Variants in NSD1 observed in about 807,000 individuals in gnomAD.
NSD1 encodes histone-lysine N-methyltransferase, H3 lysine-36 specific.
In NSD1, 26 loss-of-function variants were observed where a neutral mutation model predicts 242.7. That is an observed-to-expected ratio of 0.11 (90% CI 0.08 to 0.15). The LOEUF is 0.15. Among genes scored for constraint, NSD1 ranks in the 10% least tolerant of loss-of-function variants. NSD1 has a pLI of 1.00. For synonymous variants in NSD1, 1,106 were observed against 1,178.1 expected (o/e 0.94, Z 1.25); for missense variants, 2,495 against 3,272.8 (o/e 0.76, Z 5.80).
Position 177,238,274 on chromosome 5 carries a change from G to A in NSD1, c.3959G>A (p.Arg1320Gln), listed in dbSNP as rs1388537733. Reference protein sequence around the residue: ...SRCEEESLLARGRSSAQNKQV... With the variant: ...SRCEEESLLAQGRSSAQNKQV... ...TGTGAAGAGGAAAGCCTTCTAGCCC[G>A]AGGTCGATCTAGTGCTCAGAACAAG... The change falls in exon 7 of 23, where the codon CGA (arginine) becomes CAA (glutamine). Residue 1320 changes from arginine to glutamine, a missense_variant. By Grantham distance (43) the Arg-to-Gln change is conservative. Coordinates refer to ENST00000439151, the MANE Select transcript of NSD1 (RefSeq NM_022455.5). The surrounding 1 kb of genome is among the most constrained non-coding windows in gnomAD (Gnocchi z 4.6). The A allele has an allele frequency of 3.4e-5, 55 of 1,614,074 alleles. No homozygotes were observed. The highest frequency in any genetic ancestry group is 2.7e-4 in the East Asian group (12 of 44,872).
chr5:177,136,038 G>A lies in NSD1; in HGVS notation c.927+8G>A. 1 of 1,611,686 alleles carries A rather than the reference G, an allele frequency of 6.2e-7. No homozygotes were observed. The highest frequency in any genetic ancestry group is 8.5e-7 in the Non-Finnish European group (1 of 1,178,080). ...TCACAGGAATTGCCATTTGTAAGCAGTTTTTGGTACAACTTAAATATATAC... is the reference window on the plus strand; with the variant it reads ...TCACAGGAATTGCCATTTGTAAGCAATTTTTGGTACAACTTAAATATATAC... On this transcript the variant is annotated splice_region_variant and intron_variant, in intron 2 of 22. Coordinates refer to ENST00000439151, the MANE Select transcript of NSD1 (RefSeq NM_022455.5).
chr5:177,251,127 T>C (rs1581441433), intron 11 of NSD1, among the ~76,000 whole-genome samples: 1 of 150,502 alleles, frequency 6.6e-6, no homozygotes, highest in Non-Finnish European at 1.5e-5. Context: ...GTGGCAGAGG[T>C]GGCAGTGAGC....
intron 5 of NSD1, among the ~76,000 whole-genome samples, chr5:177,222,672 A>G (rs1368520872): frequency 6.6e-6 from 1 of 152,210 alleles, no homozygotes; most frequent in African/African-American, 2.4e-5. Context: ...GTCTTTGACT[A>G]TATTTTAATT....
At position 177,238,523 on chromosome 5, in the gene NSD1, G is replaced by T. The variant is rs886038675; in HGVS notation, c.4192+16G>T. 6.2e-7 allele frequency: 1 copy of T among 1,610,522 alleles called. No individual in the cohort carries two copies. The highest frequency in any genetic ancestry group is 1.1e-5 in the South Asian group (1 of 91,074). Reference sequence around the variant, plus strand: ...AAAACGCCAGGTAAGGTGGGGTTGGGGTCTCAGTATTTGAGCAGATATGAT... The same window carrying T: ...AAAACGCCAGGTAAGGTGGGGTTGGTGTCTCAGTATTTGAGCAGATATGAT... On this transcript the variant is annotated intron_variant, in intron 7 of 22. Transcript: ENST00000439151. The surrounding 1 kb of genome is among the most constrained non-coding windows in gnomAD (Gnocchi z 4.6).
Position 177,269,222 on chromosome 5 carries a change from T to G in NSD1, c.5304-380T>G, listed in dbSNP as rs1372533716. Among the ~76,000 whole-genome samples the G allele has an allele frequency of 6.6e-6, 1 of 152,256 alleles. No individual in the cohort carries two copies. Among genetic ancestry groups the G allele is most frequent in the Non-Finnish European group, 1.5e-5 (1 of 68,048 alleles). ...AGACCAAATTGTATTTTATTTTGTA[T>G]AGTGTACCATGGATAATACTATTAT... On this transcript the variant is annotated intron_variant, in intron 15 of 22. Transcript: ENST00000439151. This position sits in a 1 kb window ranked among gnomAD's most constrained non-coding sequence, Gnocchi z 5.1.
At position 177,251,790 on chromosome 5, in the gene NSD1, C is replaced by T; in HGVS notation, c.4702C>T (p.Leu1568=). 6.2e-7 allele frequency: 1 copy of T among 1,614,056 alleles called. No individual in the cohort carries two copies. The highest frequency in any genetic ancestry group is 1.1e-5 in the South Asian group (1 of 91,078). Residue 1568 remains leucine (L), a synonymous_variant, in exon 12 of 23, where the codon CTG becomes TTG. Coordinates refer to ENST00000439151, the MANE Select transcript of NSD1 (RefSeq NM_022455.5). ...GGCTCAGTGCTGTGGGGCTTTCCAC[C>T]TGGAGTGCCTTGGATTGACTGAGAT... The part of the protein sequence containing the change: ...CEAQCCGAFH[L]ECLGLTEMPR...
chr5:177,288,544 G>C, intron 20 of NSD1: 1 of 381,036 alleles, frequency 2.6e-6, no homozygotes, highest in Non-Finnish European at 4.9e-6. Flanking sequence ...AATCTGAATG[G>C]TTAATAAACA....
chr5:177,262,074 T>A (rs981760956), intron 14 of NSD1, among the ~76,000 whole-genome samples: 5 of 152,216 alleles, frequency 3.3e-5, no homozygotes, highest in African/African-American at 1.2e-4. Context: ...ACAGTCATAT[T>A]ATAATAGCAT....
At chr5:177,291,694 G>A (rs570780773) in intron 21 of NSD1, among the ~76,000 whole-genome samples, 10 of 152,056 alleles carry the variant, frequency 6.6e-5, no homozygotes, top group Non-Finnish European at 1.3e-4. Flanking sequence ...CTTATGAAAG[G>A]CATGTCATTT....
Position 177,211,286 on chromosome 5 carries a change from C to T in NSD1, c.2887C>T (p.His963Tyr). Residue 963 changes from histidine to tyrosine, a missense_variant, in exon 5 of 23, where the codon CAC (histidine) becomes TAC (tyrosine). Physicochemically the swap from His to Tyr is moderately conservative, Grantham distance 83. Coordinates refer to ENST00000439151, the MANE Select transcript of NSD1 (RefSeq NM_022455.5). ...GGTTTTGGTTTCAGGAGGCTCCACA[C>T]ACAATTCAGAGAAAAAGGGAGATGG... ...SKVLVSGGST[H>Y]NSEKKGDGTQ... 6.2e-7 allele frequency: 1 copy of T among 1,614,132 alleles called. No homozygotes were observed. The highest frequency in any genetic ancestry group is 2.2e-5 in the East Asian group (1 of 44,870).
At chr5:177,252,292 G>C (rs1756034943) in intron 12 of NSD1, among the ~76,000 whole-genome samples, 3 of 152,092 alleles carry the variant, frequency 2.0e-5, no homozygotes, top group African/African-American at 7.2e-5. Flanking sequence ...AGGGCTTCTT[G>C]GTTACTGGTA....
chr5:177,219,294 T>A (rs1764051123), intron 5 of NSD1, among the ~76,000 whole-genome samples: 1 of 151,864 alleles, frequency 6.6e-6, no homozygotes, highest in Non-Finnish European at 1.5e-5. Flanking sequence ...CAAGCGATTG[T>A]CCTGCCTCAG....
chr5:177,246,336 C>T (rs1381404082), intron 9 of NSD1, among the ~76,000 whole-genome samples: 2 of 152,136 alleles, frequency 1.3e-5, no homozygotes, highest in African/African-American at 4.8e-5. Flanking sequence ...GGAGTGGTAT[C>T]TTTTGATGAC....
chr5:177,283,080 A>C (rs1165286674), intron 19 of NSD1, among the ~76,000 whole-genome samples: 3 of 152,058 alleles, frequency 2.0e-5, no homozygotes, highest in Admixed American at 2.0e-4. Flanking sequence ...CAGCCTCCCA[A>C]GTAGCTGGGA....
intron 17 of NSD1, among the ~76,000 whole-genome samples, chr5:177,275,696 G>C (rs1346476652): frequency 6.6e-6 from 1 of 152,048 alleles, no homozygotes; most frequent in African/African-American, 2.4e-5. Flanking sequence ...GCCTCCCAAA[G>C]TGCTGGGATT....
chr5:177,212,155 A>C lies in NSD1; in HGVS notation c.3756A>C (p.Gly1252=). ...TTGGTGACATGGAAAAGGAGCCAGG[A>C]ATTCCCAGTTTGACACCACAGGCTG... ...ASIGDMEKEP[G]IPSLTPQAEL... The change falls in exon 5 of 23, where the codon GGA becomes GGC. Residue 1252 remains glycine, a synonymous_variant. Transcript: ENST00000439151. The C allele has an allele frequency of 6.2e-7, 1 of 1,614,124 alleles. No individual in the cohort carries two copies. The highest frequency in any genetic ancestry group is 8.5e-7 in the Non-Finnish European group (1 of 1,180,028).
At position 177,158,197 on chromosome 5, in the gene NSD1, G is replaced by GCA. The variant is rs553712378; in HGVS notation, c.927+22169_927+22170dup. Among the ~76,000 whole-genome samples the GCA allele has an allele frequency of 1.4e-4, 22 of 151,996 alleles. 1 individual carries two copies. The South Asian group carries it at 4.4e-3, about 30-fold the overall frequency. On this transcript the variant is annotated intron_variant, in intron 2 of 22. Coordinates refer to ENST00000439151, the MANE Select transcript of NSD1 (RefSeq NM_022455.5). ...AGCCAGACTGTTTTACATAGTGGTT[G>GCA]CACCGTTTTACAGTCCTACTTTAGC...
chr5:177,151,886 A>G (rs1757738419), intron 2 of NSD1, among the ~76,000 whole-genome samples: 1 of 150,514 alleles, frequency 6.6e-6, no homozygotes, highest in Non-Finnish European at 1.5e-5. Flanking sequence ...TTTTTGAGAC[A>G]GTCTTGCCCC....
At position 177,292,142 on chromosome 5, in the gene NSD1, G is replaced by C. The variant is rs764913568; in HGVS notation, c.6447G>C (p.Leu2149=). The change falls in exon 22 of 23, where the codon CTG becomes CTC. Residue 2149 remains leucine (L), a synonymous_variant. Transcript: ENST00000439151. ...TTTACCACGCAGACTGTCTCAATCT[G>C]ACCAAGCGACCAGCAGGTTGGTGCC... The part of the protein sequence containing the change: ...PKVYHADCLN[L]TKRPAGKWEC... 1.3e-5 allele frequency: 21 copies of C among 1,613,896 alleles called. No individual in the cohort carries two copies. The highest frequency in any genetic ancestry group is 3.4e-6 in the Non-Finnish European group (4 of 1,179,996).
Sources: gnomAD v4.1 joint callset for allele counts (sites outside exome capture counted in the v4.1 genomes callset) on GRCh38, gnomAD v4.1.1 for gene constraint, Gnocchi (gnomAD v3.1) non-coding constraint, MANE v1.5 for transcripts, NCBI Gene and HGNC (gene_info 2026-07-23, HGNC 2026-07-21) for gene names.